CCDC178: variants seen among roughly 807,000 people sequenced by gnomAD.
CCDC178 encodes the protein coiled-coil domain-containing protein 178.
Under a neutral mutation model 117.4 loss-of-function variants are expected in CCDC178, and 126 were observed. The ratio of observed to expected loss-of-function variants is 1.07; its 90% CI spans 0.93 to 1.24. CCDC178 has a LOEUF of 1.24. Ranked by LOEUF, CCDC178 falls within the 50% of genes most tolerant of loss-of-function variation. The pLI is 0.00. For synonymous variants in CCDC178, 283 were observed against 313.4 expected, an observed-to-expected ratio of 0.90 and a Z score of 1.02; for missense variants, 1,030 against 986.9, an observed-to-expected ratio of 1.04 and a Z score of -0.59.
At chr18:33,369,934 A>G in intron 6 of CCDC178, 116 bp downstream of exon 6, 1 of 854,336 alleles carries the variant, frequency 1.2e-6, no homozygotes, top group Non-Finnish European at 1.7e-6. Flanking sequence ...AGATTCTTAA[A>G]AAGCATTCCA....
rs2062891644 is a variant in CCDC178, at chr18:33,346,258, G to C, written c.611C>G (p.Ser204Cys). ...RKNMINMKID[S>C]WSVWKLQELP... The stretch of plus-strand genomic sequence containing the variant: ...TTCTTGAAGTTTCCAGACTGACCAA[G>C]AGTCAATTTTCATGTTAATCATATT... The change falls in exon 9 of 23, where the codon TCT (serine) becomes TGT (cysteine). Residue 204 changes from serine (S) to cysteine (C), a missense_variant. Coordinates refer to ENST00000383096, the MANE Select transcript of CCDC178 (RefSeq NM_001105528.4). The C allele has an allele frequency of 1.2e-6, 2 of 1,613,838 alleles. No individual in the cohort carries two copies. The highest frequency in any genetic ancestry group is 1.7e-6 in the Non-Finnish European group (2 of 1,179,940).
intron 22 of CCDC178, among the ~76,000 whole-genome samples, chr18:32,942,492 T>C (rs1004528559): frequency 6.6e-6 from 1 of 152,084 alleles, no homozygotes; most frequent in Non-Finnish European, 1.5e-5. Context: ...GAAAGTTTTT[T>C]TCCCCATAAG....
intron 11 of CCDC178, among the ~76,000 whole-genome samples, chr18:33,299,506 C>CACAT (rs897381218): frequency 6.6e-6 from 1 of 150,726 alleles, no homozygotes; most frequent in Non-Finnish European, 1.5e-5. Context: ...AGTATAAACA[C>CACAT]ACACACACAC....
chr18:33,112,472 AT>A (rs1419820906), intron 20 of CCDC178, among the ~76,000 whole-genome samples: 1 of 151,936 alleles, frequency 6.6e-6, no homozygotes, highest in Non-Finnish European at 1.5e-5. Flanking sequence ...TCGTCTAAAA[AT>A]TAATTACAAA....
intron 21 of CCDC178, among the ~76,000 whole-genome samples, chr18:33,011,628 A>G (rs912923664): frequency 6.6e-6 from 1 of 152,030 alleles, no homozygotes; most frequent in Non-Finnish European, 1.5e-5. Context: ...TTAATAAGCG[A>G]CTAAAGTTGC....
Position 32,941,480 on chromosome 18 carries a change from A to G in CCDC178, c.2524-3389T>C, listed in dbSNP as rs1315370871. On this transcript the variant is annotated intron_variant, in intron 22 of 22. Coordinates refer to ENST00000383096, the MANE Select transcript of CCDC178 (RefSeq NM_001105528.4). ...AAAGAGGAGCCCATTTTTAAAAGAG[A>G]TATATTGGCAAGTTAGCAAACAGCT... 2.6e-5 allele frequency among the ~76,000 whole-genome samples: 4 copies of G among 152,088 alleles called. No individual in the cohort carries two copies. In the East Asian group the frequency reaches 7.7e-4, roughly 29 times the overall value.
chr18:33,040,469 T>C (rs1346351472), intron 21 of CCDC178, among the ~76,000 whole-genome samples: 1 of 151,998 alleles, frequency 6.6e-6, no homozygotes, highest in Admixed American at 6.6e-5. Context: ...AATGTAATAG[T>C]ACTTTTCCAA....
At chr18:33,333,678 A>G (rs1007573167) in intron 9 of CCDC178, among the ~76,000 whole-genome samples, 1 of 151,842 alleles carries the variant, frequency 6.6e-6, no homozygotes, top group Non-Finnish European at 1.5e-5. Flanking sequence ...ATGTCTGGCT[A>G]ATTTTGTATT....
intron 2 of CCDC178, among the ~76,000 whole-genome samples, chr18:33,420,412 G>A (rs1454313001): frequency 6.6e-6 from 1 of 152,084 alleles, no homozygotes; most frequent in Non-Finnish European, 1.5e-5. Flanking sequence ...GGAGTGCAGT[G>A]GCATGATCTT....
At chr18:33,361,491 A>G (rs768822474) in intron 6 of CCDC178, among the ~76,000 whole-genome samples, 32 of 151,684 alleles carry the variant, frequency 2.1e-4, no homozygotes, top group Non-Finnish European at 3.7e-4. Flanking sequence ...ACAGAAATGG[A>G]ACTGCATCAA....
At chr18:33,175,951 A>G (rs2058659464) in intron 20 of CCDC178, among the ~76,000 whole-genome samples, 3 of 152,140 alleles carry the variant, frequency 2.0e-5, no homozygotes, top group Admixed American at 1.3e-4. Context: ...TCTTCATAGA[A>G]CATTCCTACT....
At chr18:33,208,068 C>G (rs16964423) in intron 20 of CCDC178, among the ~76,000 whole-genome samples, 1,633 of 152,172 alleles carry the variant, frequency 0.011, 28 homozygotes, top group African/African-American at 0.037. Flanking sequence ...ATTCCTCAAA[C>G]AGAGATAGAT....
chr18:33,157,432 T>A (rs1166094698), intron 20 of CCDC178, among the ~76,000 whole-genome samples: 1 of 152,184 alleles, frequency 6.6e-6, no homozygotes, highest in African/African-American at 2.4e-5. Flanking sequence ...TTAAATGAAC[T>A]AATATGATTT....
At chr18:33,194,374 C>T (rs1374646122) in intron 20 of CCDC178, among the ~76,000 whole-genome samples, 1 of 152,084 alleles carries the variant, frequency 6.6e-6, no homozygotes, top group Non-Finnish European at 1.5e-5. Context: ...CTAGAGAGCT[C>T]AAGTGGTTAA....
intron 11 of CCDC178, among the ~76,000 whole-genome samples, chr18:33,317,458 C>T (rs981644635): frequency 2.0e-5 from 3 of 152,182 alleles, no homozygotes; most frequent in Non-Finnish European, 4.4e-5. Context: ...CAAGTGTCCG[C>T]GGCTTCATTC....
intron 21 of CCDC178, among the ~76,000 whole-genome samples, chr18:33,024,415 CAAA>C (rs1432737665): frequency 7.9e-5 from 12 of 152,140 alleles, no homozygotes; most frequent in African/African-American, 2.9e-4. Flanking sequence ...TGCATGCATC[CAAA>C]TTTGTGCCTC....
chr18:33,162,833 C>T (rs1275507664), intron 20 of CCDC178, among the ~76,000 whole-genome samples: 1 of 152,114 alleles, frequency 6.6e-6, no homozygotes, highest in Non-Finnish European at 1.5e-5. Context: ...TAATGTATCA[C>T]TGATGGGTAT....
chr18:33,215,837 A>C, intron 18 of CCDC178, 142 bp from the exon 19 acceptor site: 1 of 576,406 alleles, frequency 1.7e-6, no homozygotes. Context: ...CTGTAATCCC[A>C]GCACTTTGGG....
At chr18:33,355,097 T>C (rs184523632) in intron 7 of CCDC178, among the ~76,000 whole-genome samples, 2 of 152,346 alleles carry the variant, frequency 1.3e-5, no homozygotes, top group East Asian at 1.9e-4. Flanking sequence ...GAACAGTTTA[T>C]GTTAATTTAT....
Sources: gnomAD v4.1 joint callset for allele counts (sites outside exome capture counted in the v4.1 genomes callset) on GRCh38, gnomAD v4.1.1 for gene constraint, MANE v1.5 for transcripts, NCBI Gene and HGNC (gene_info 2026-07-23, HGNC 2026-07-21) for gene names.